The following PDE10A variants were observed in gnomAD, a reference collection of about 807,000 sequenced individuals.
PDE10A encodes the protein phosphodiesterase 10A, also known as cAMP and cAMP-inhibited cGMP 3',5'-cyclic phosphodiesterase 10A.
A neutral mutation model predicts 97.7 loss-of-function variants in PDE10A; 39 were observed. That is an observed-to-expected ratio of 0.40 (90% CI 0.31 to 0.52). The LOEUF is 0.52. Ranked by LOEUF, PDE10A falls within the 20% of genes least tolerant of loss-of-function variation. The pLI is 0.56. For synonymous variants in PDE10A, 371 were observed against 376.8 expected (o/e 0.98, Z 0.18); for missense variants, 731 against 1,047.8 (o/e 0.70, Z 4.17).
At chr6:165,489,348 A>ATT (rs1780095680) in intron 2 of PDE10A, among the ~76,000 whole-genome samples, 1 of 152,168 alleles carries the variant, frequency 6.6e-6, no homozygotes, top group Non-Finnish European at 1.5e-5. Flanking sequence ...AAGATAAATA[A>ATT]TAATTGTTGC....
chr6:165,848,556 C>G (rs1780486954), intron 1 of PDE10A, among the ~76,000 whole-genome samples: 1 of 152,106 alleles, frequency 6.6e-6, no homozygotes, highest in African/African-American at 2.4e-5. Context: ...ATAAACACAC[C>G]ATGCGGGAAA....
intron 2 of PDE10A, among the ~76,000 whole-genome samples, chr6:165,512,160 C>G (rs1393828343): frequency 6.6e-6 from 1 of 151,672 alleles, no homozygotes; most frequent in Non-Finnish European, 1.5e-5. Flanking sequence ...CCATTTGAGT[C>G]CTTTCTCTTT....
At chr6:165,612,151 G>C (rs1787525015) in intron 1 of PDE10A, among the ~76,000 whole-genome samples, 1 of 152,192 alleles carries the variant, frequency 6.6e-6, no homozygotes, top group Non-Finnish European at 1.5e-5. Flanking sequence ...TAGACCAAAT[G>C]AGATATATAT....
chr6:165,385,932 T>TAAG (rs1785272294), intron 17 of PDE10A, among the ~76,000 whole-genome samples: 1 of 152,202 alleles, frequency 6.6e-6, no homozygotes, highest in Non-Finnish European at 1.5e-5. Context: ...GTTTTTGCAA[T>TAAG]GTACCTAGCA....
chr6:165,681,035 C>T (rs1790961266), intron 1 of PDE10A, among the ~76,000 whole-genome samples: 1 of 152,190 alleles, frequency 6.6e-6, no homozygotes, highest in Non-Finnish European at 1.5e-5. Context: ...TCTCAAGTTA[C>T]TTTGTAAATT....
At chr6:165,478,088 T>G (rs1779394803) in intron 3 of PDE10A, among the ~76,000 whole-genome samples, 1 of 152,234 alleles carries the variant, frequency 6.6e-6, no homozygotes, top group Non-Finnish European at 1.5e-5. Context: ...CGAACTTTTC[T>G]TTTAATTTGA....
intron 3 of PDE10A, among the ~76,000 whole-genome samples, chr6:165,456,712 G>A (rs942655752): frequency 6.6e-6 from 1 of 152,168 alleles, no homozygotes; most frequent in Non-Finnish European, 1.5e-5. Context: ...AAATTTCTGA[G>A]ATAAGCTATG....
intron 5 of PDE10A, among the ~76,000 whole-genome samples, chr6:165,440,662 G>A (rs1019202612): frequency 2.0e-5 from 3 of 151,918 alleles, no homozygotes; most frequent in Admixed American, 1.3e-4. Flanking sequence ...ATTTGGAAGT[G>A]TCTCTTTTAG....
chr6:165,740,479 T>C (rs1792692683), intron 1 of PDE10A, among the ~76,000 whole-genome samples: 1 of 152,098 alleles, frequency 6.6e-6, no homozygotes, highest in African/African-American at 2.4e-5. Context: ...TACAGGTATG[T>C]GCCACCACGT....
At chr6:165,353,970 GGA>G (rs1021751575) in intron 18 of PDE10A, among the ~76,000 whole-genome samples, 6 of 152,106 alleles carry the variant, frequency 3.9e-5, no homozygotes, top group African/African-American at 1.4e-4. Context: ...CCATGTGTGG[GGA>G]CCAGGATATA....
rs528250880 is a variant in PDE10A at position 165,690,749 on chromosome 6, C to T, written c.-614-147181G>A. Among the ~76,000 whole-genome samples the T allele has an allele frequency of 5.3e-5, 8 of 152,374 alleles. No homozygotes were observed. In the East Asian group the frequency reaches 1.5e-3, roughly 29 times the overall value. Reference sequence around the variant, plus strand: ...TTACCAGGTGCTTCTGTTCCACCCACACCCCATTTCTATCTGGCATGAAGG... The same window carrying T: ...TTACCAGGTGCTTCTGTTCCACCCATACCCCATTTCTATCTGGCATGAAGG... On this transcript the variant is annotated intron_variant, in intron 1 of 19. Transcript: ENST00000366882.
At chr6:165,876,432 G>C in intron 1 of PDE10A, among the ~76,000 whole-genome samples, 1 of 152,150 alleles carries the variant, frequency 6.6e-6, no homozygotes, top group South Asian at 2.1e-4. Flanking sequence ...TTAGACTAAA[G>C]TCTCAAACAG....
At chr6:165,533,005 T>G (rs567840646) in intron 2 of PDE10A, among the ~76,000 whole-genome samples, 1 of 152,308 alleles carries the variant, frequency 6.6e-6, no homozygotes, top group East Asian at 1.9e-4. Context: ...ACAGAGAGCA[T>G]GGACTCAGTA....
intron 10 of PDE10A, among the ~76,000 whole-genome samples, chr6:165,422,448 CAT>C (rs1173343647): frequency 0.023 from 3,362 of 147,552 alleles, 422 homozygotes; most frequent in African/African-American, 0.074. Context: ...CACACATACG[CAT>C]ATACACACAC....
intron 1 of PDE10A, among the ~76,000 whole-genome samples, chr6:165,881,404 T>G (rs1314591656): frequency 6.9e-6 from 1 of 144,506 alleles, no homozygotes; most frequent in Non-Finnish European, 1.5e-5. Flanking sequence ...TTTTTTTTTT[T>G]TTTTTTTTTT....
Position 165,662,109 on chromosome 6 carries a change from C to CG in PDE10A, c.702dup (p.Gly235ArgfsTer39). ...TGGCCGCCGCCGCCTGGGCCGGCGC[C>CG]GGGGAAGCCGGGGGAGCCCGCGCGG... On this transcript the variant is annotated frameshift_variant, in exon 1 of 22. Transcript: ENST00000539869. LOFTEE classifies it high-confidence loss of function. 9.6e-7 allele frequency: 1 copy of CG among 1,046,002 alleles called. No homozygotes were observed. The highest frequency in any genetic ancestry group is 1.2e-6 in the Non-Finnish European group (1 of 864,824). 64.8% of individuals were successfully genotyped at this position (1,046,002 alleles called of 1,614,324 possible). A position where few individuals can be genotyped will look rare whatever the true frequency, so the allele number is the denominator to read the frequency against.
intron 1 of PDE10A, among the ~76,000 whole-genome samples, chr6:165,818,362 T>A (rs62427307): frequency 0.082 from 12,484 of 152,264 alleles, 572 homozygotes; most frequent in Non-Finnish European, 0.1. Flanking sequence ...CCGAGGTTGG[T>A]TTCCTCTGTG....
At position 165,332,934 on chromosome 6, in the gene PDE10A, T is replaced by G; in HGVS notation, c.*91A>C. ...TTGCACCCCAGTTACCAGGTGCAGGTTCCCCCCACCCCCCCCAAAAAAAGG... is the reference window on the plus strand; with the variant it reads ...TTGCACCCCAGTTACCAGGTGCAGGGTCCCCCCACCCCCCCCAAAAAAAGG... On this transcript the variant is annotated 3_prime_UTR_variant, in exon 22 of 22. Coordinates refer to ENST00000539869, the MANE Select transcript of PDE10A (RefSeq NM_001385079.1). The G allele has an allele frequency of 2.8e-6, 2 of 725,336 alleles. No homozygotes were observed. The highest frequency in any genetic ancestry group is 4.9e-6 in the Non-Finnish European group (2 of 404,862). The allele number at this position is 725,336 out of a possible 1,614,324, so 44.9% of individuals were successfully genotyped here. A position where few individuals can be genotyped will look rare whatever the true frequency, so the allele number is the denominator to read the frequency against.
chr6:165,368,161 A>C (rs1175341022), intron 18 of PDE10A, among the ~76,000 whole-genome samples: 1 of 152,022 alleles, frequency 6.6e-6, no homozygotes, highest in Non-Finnish European at 1.5e-5. Context: ...ACACCTGGCT[A>C]ATTTTTGTAT....
Sources: gnomAD v4.1 joint callset for allele counts (sites outside exome capture counted in the v4.1 genomes callset) on GRCh38, gnomAD v4.1.1 for gene constraint, MANE v1.5 for transcripts, NCBI Gene and HGNC (gene_info 2026-07-23, HGNC 2026-07-21) for gene names.